Variants in ASAP3 observed in about 807,000 individuals in gnomAD.
ASAP3 encodes ArfGAP with SH3 domain, ankyrin repeat and PH domain 3.
In ASAP3, 85 loss-of-function variants were observed where a neutral mutation model predicts 118.2. The observed-to-expected ratio is 0.72, with a 90% CI of 0.60 to 0.86. The LOEUF is 0.86. Ranked by LOEUF, ASAP3 falls within the 40% of genes least tolerant of loss-of-function variation. The probability of loss-of-function intolerance (pLI) is 0.00; values close to 1 mark genes in which losing one functional copy is unlikely to be tolerated. For synonymous variants in ASAP3, 432 were observed against 477.4 expected (o/e 0.90, Z 1.24); for missense variants, 1,026 against 1,175.0 (o/e 0.87, Z 1.85).
chr1:23,438,676 C>A lies in ASAP3; in HGVS notation c.1102+71G>T. ...ACACAGACCCCTCACTGAAGCCCCC[C>A]GGGAGCTGACAGGTGTCTTAGAGAA... On this transcript the variant is annotated intron_variant, in intron 12 of 24. Coordinates refer to ENST00000336689, the MANE Select transcript of ASAP3 (RefSeq NM_017707.4). This position sits in a 1 kb window ranked among gnomAD's most constrained non-coding sequence, Gnocchi z 4.9. 7.0e-7 allele frequency: 1 copy of A among 1,421,598 alleles called. No individual in the cohort carries two copies. Among genetic ancestry groups the A allele is most frequent in the Admixed American group, 1.8e-5 (1 of 56,774 alleles). 88.1% of individuals were successfully genotyped at this position (1,421,598 alleles called of 1,614,324 possible).
chr1:23,465,211 T>C (rs191269398), intron 1 of ASAP3, among the ~76,000 whole-genome samples: 12 of 152,372 alleles, frequency 7.9e-5, no homozygotes, highest in Admixed American at 7.2e-4. Context: ...ATTGAATTAA[T>C]TAAACATATC....
At chr1:23,459,368 C>T (rs1365019402) in intron 1 of ASAP3, among the ~76,000 whole-genome samples, 1 of 152,082 alleles carries the variant, frequency 6.6e-6, no homozygotes, top group African/African-American at 2.4e-5. Flanking sequence ...GGAGTCTTCC[C>T]ATCCCATGAC....
chr1:23,438,407 T>C lies in ASAP3; in HGVS notation c.1102+340A>G, dbSNP rs142179263. 2.2e-3 allele frequency among the ~76,000 whole-genome samples: 333 copies of C among 152,072 alleles called. No individual in the cohort carries two copies. The highest frequency in any genetic ancestry group is 3.8e-3 in the Non-Finnish European group (256 of 67,992). Reference sequence around the variant, plus strand: ...GCTCTGAAGAACGAAAAGTAGAAAATGTAAAGAAACAATAATTTCATCTCC... The same window carrying C: ...GCTCTGAAGAACGAAAAGTAGAAAACGTAAAGAAACAATAATTTCATCTCC... On this transcript the variant is annotated intron_variant, in intron 12 of 24. Transcript: ENST00000336689. This position sits in a 1 kb window ranked among gnomAD's most constrained non-coding sequence, Gnocchi z 4.9.
At position 23,438,079 on chromosome 1, in the gene ASAP3, C is replaced by T. The variant is rs1334825186; in HGVS notation, c.1103-607G>A. 1.3e-5 allele frequency among the ~76,000 whole-genome samples: 2 copies of T among 152,276 alleles called. No homozygotes were observed. Among genetic ancestry groups the T allele is most frequent in the South Asian group, 2.1e-4 (1 of 4,828 alleles). ...CAGACCCACTCTCCTGCTTCCATGC[C>T]TTTCATCATGCTAATCCTGTCTCCT... On this transcript the variant is annotated intron_variant, in intron 12 of 24. Transcript: ENST00000336689. This position sits in a 1 kb window ranked among gnomAD's most constrained non-coding sequence, Gnocchi z 4.9.
At chr1:23,478,024 C>T (rs1336831509) in intron 1 of ASAP3, among the ~76,000 whole-genome samples, 2 of 152,200 alleles carry the variant, frequency 1.3e-5, no homozygotes, top group African/African-American at 2.4e-5. Flanking sequence ...AGGCACTATG[C>T]TGGCAGGGCC....
At chr1:23,450,764 CAA>C (rs1458065930) in intron 5 of ASAP3, among the ~76,000 whole-genome samples, 1 of 151,958 alleles carries the variant, frequency 6.6e-6, no homozygotes, top group Non-Finnish European at 1.5e-5. Context: ...CAAGAGAAAA[CAA>C]AATTTTACAA....
chr1:23,468,499 T>TC (rs1641847997), intron 1 of ASAP3, among the ~76,000 whole-genome samples: 2 of 152,180 alleles, frequency 1.3e-5, no homozygotes, highest in Admixed American at 1.3e-4. Flanking sequence ...GATGGCTGAA[T>TC]CCTGGCTCTT....
intron 1 of ASAP3, among the ~76,000 whole-genome samples, chr1:23,468,006 G>GGGCGC (rs1641832067): frequency 6.7e-6 from 1 of 148,462 alleles, no homozygotes; most frequent in African/African-American, 2.5e-5. Flanking sequence ...AACTTGTATA[G>GGGCGC]AGCTTTACAG....
At chr1:23,434,508 G>A in intron 18 of ASAP3, 25 bp downstream of exon 18, 1 of 1,613,496 alleles carries the variant, frequency 6.2e-7, no homozygotes, top group Middle Eastern at 1.7e-4. Flanking sequence ...TGAGGAGCCA[G>A]ACAGACAGGC....
Position 23,437,357 on chromosome 1 carries a change from G to A in ASAP3, c.1152-37C>T. On this transcript the variant is annotated intron_variant, in intron 13 of 24. Transcript: ENST00000336689. The surrounding 1 kb of genome is among the most constrained non-coding windows in gnomAD (Gnocchi z 6.1). ...GAACGGGGTGGGATGGGGATGTCAA[G>A]TGGGAAGAGATAGGGCCGCCGGCCC... 1 of 1,609,820 alleles carries A rather than the reference G, an allele frequency of 6.2e-7. No homozygotes were observed.
chr1:23,463,026 G>T (rs756920961), intron 1 of ASAP3, among the ~76,000 whole-genome samples: 1 of 152,124 alleles, frequency 6.6e-6, no homozygotes, highest in African/African-American at 2.4e-5. Context: ...GGAATGCTTG[G>T]TAAAAAATGG....
chr1:23,459,795 C>T (rs536677903), intron 1 of ASAP3, among the ~76,000 whole-genome samples: 3 of 152,286 alleles, frequency 2.0e-5, no homozygotes, highest in South Asian at 2.1e-4. Flanking sequence ...ATCCACCCAA[C>T]GAAGTTCCTT....
intron 1 of ASAP3, among the ~76,000 whole-genome samples, chr1:23,456,970 G>C (rs964949044): frequency 6.6e-6 from 1 of 152,220 alleles, no homozygotes; most frequent in African/African-American, 2.4e-5. Context: ...GTGATGGCAA[G>C]AAGCAAGTCT....
intron 1 of ASAP3, among the ~76,000 whole-genome samples, chr1:23,479,156 C>T (rs1388374689): frequency 1.3e-5 from 2 of 152,328 alleles, no homozygotes; most frequent in East Asian, 3.9e-4. Flanking sequence ...ATGAGACTGG[C>T]TCAATCTAGT....
At chr1:23,460,732 T>C (rs990666556) in intron 1 of ASAP3, among the ~76,000 whole-genome samples, 1 of 152,164 alleles carries the variant, frequency 6.6e-6, no homozygotes, top group African/African-American at 2.4e-5. Context: ...ATTTTCTCAA[T>C]GAGTTGAAAA....
Position 23,431,090 on chromosome 1 carries a change from C to T in ASAP3, c.2582G>A (p.Arg861Gln), listed in dbSNP as rs568988549. 2.8e-5 allele frequency: 43 copies of T among 1,560,792 alleles called. No individual in the cohort carries two copies. Among genetic ancestry groups the T allele is most frequent in the Non-Finnish European group, 3.5e-5 (40 of 1,153,014 alleles). ...GGCTGAGGGACCATCTTCAGGGCTC[C>T]GCGCCCCCCGCCGATAGGAGCGAGT... ...ESTRSYRRGA[R>Q]SPEDGPSARQ... is the part of the protein sequence containing the mutation. The change falls in exon 24 of 25, where the codon CGG becomes CAG. Residue 861 changes from arginine to glutamine, a missense_variant. Physicochemically the swap from Arg to Gln is conservative, Grantham distance 43. Coordinates refer to ENST00000336689, the MANE Select transcript of ASAP3 (RefSeq NM_017707.4).
At chr1:23,450,633 G>A (rs1206258605) in intron 5 of ASAP3, among the ~76,000 whole-genome samples, 1 of 150,318 alleles carries the variant, frequency 6.7e-6, no homozygotes, top group Non-Finnish European at 1.5e-5. Context: ...AAACAACAGA[G>A]AGTATTATCC....
intron 5 of ASAP3, among the ~76,000 whole-genome samples, chr1:23,447,727 CTTCT>C (rs745614849): frequency 1.2e-4 from 19 of 152,068 alleles, no homozygotes; most frequent in East Asian, 3.8e-4. Flanking sequence ...ATGGTACTTT[CTTCT>C]TTCTTTCTTT....
intron 1 of ASAP3, among the ~76,000 whole-genome samples, chr1:23,478,602 T>A (rs1057165083): frequency 1.3e-5 from 2 of 148,738 alleles, no homozygotes; most frequent in Non-Finnish European, 3.0e-5. Flanking sequence ...CTACTAGAAA[T>A]ACAAAAAATT....
Sources: gnomAD v4.1 joint callset for allele counts (sites outside exome capture counted in the v4.1 genomes callset) on GRCh38, gnomAD v4.1.1 for gene constraint, Gnocchi (gnomAD v3.1) non-coding constraint, MANE v1.5 for transcripts, NCBI Gene and HGNC (gene_info 2026-07-23, HGNC 2026-07-21) for gene names.